THADA: variants seen among roughly 807,000 people sequenced by gnomAD.
The protein encoded by THADA is tRNA (32-2'-O)-methyltransferase regulator THADA.
In THADA, 213 loss-of-function variants were observed where a neutral mutation model predicts 219.8. The ratio of observed to expected loss-of-function variants is 0.97; its 90% CI spans 0.87 to 1.09. The LOEUF (loss-of-function observed/expected upper bound fraction) is 1.09, where lower values mean the gene tolerates loss of function less well. Among genes scored for constraint, THADA ranks in the 50% least tolerant of loss-of-function variants. The pLI, the probability that THADA is intolerant of heterozygous loss-of-function variation, is 0.00. For missense variants in THADA, 2,956 were observed against 2,311.3 expected (o/e 1.28, Z -5.72); for synonymous variants, 1,018 against 828.9 (o/e 1.23, Z -3.92).
At chr2:43,386,651 T>C (rs1363327814) in intron 29 of THADA, among the ~76,000 whole-genome samples, 2 of 152,122 alleles carry the variant, frequency 1.3e-5, no homozygotes, top group Non-Finnish European at 2.9e-5. Context: ...CCTAGCACTT[T>C]AGGAGGCTGA....
intron 36 of THADA, among the ~76,000 whole-genome samples, chr2:43,260,510 G>C (rs907240008): frequency 6.6e-6 from 1 of 152,180 alleles, no homozygotes; most frequent in African/African-American, 2.4e-5. Flanking sequence ...GGAGGCTGAG[G>C]TGGGAGGATC....
At chr2:43,535,333 G>A (rs1024250117) in intron 21 of THADA, among the ~76,000 whole-genome samples, 6 of 151,296 alleles carry the variant, frequency 4.0e-5, no homozygotes, top group Admixed American at 1.3e-4. Context: ...TTTTTAGTTT[G>A]ATATAATCCC....
chr2:43,548,154 C>T (rs568268110), intron 20 of THADA, among the ~76,000 whole-genome samples: 18 of 152,248 alleles, frequency 1.2e-4, no homozygotes, highest in African/African-American at 4.3e-4. Flanking sequence ...TGCCTGGGTA[C>T]CAGCAGCGGT....
At chr2:43,368,371 T>C (rs1670406218) in intron 29 of THADA, among the ~76,000 whole-genome samples, 1 of 152,124 alleles carries the variant, frequency 6.6e-6, no homozygotes, top group African/African-American at 2.4e-5. Flanking sequence ...TCAACATCGT[T>C]AGCCCCTTAT....
intron 8 of THADA, among the ~76,000 whole-genome samples, chr2:43,579,265 C>T (rs112136347): frequency 2.4e-4 from 37 of 152,318 alleles, no homozygotes; most frequent in African/African-American, 8.4e-4. Flanking sequence ...CTGTCCCCTC[C>T]CCTCCACCAA....
In THADA at chr2:43,572,965, C is replaced by A. The variant is rs758800386; in HGVS notation, c.1757G>T (p.Gly586Val). The change falls in exon 12 of 38, where the codon GGG (glycine) becomes GTG (valine). Residue 586 changes from glycine to valine, a missense_variant. Physicochemically the swap from Gly to Val is moderately radical, Grantham distance 109. Transcript: ENST00000405975. ...CAGAGCCCCCCTGCTATTACAAGAC[C>A]CTAAGGATGGGAAAGATTGCTCTTG... is the stretch of plus-strand genomic sequence containing the variant. ...TGQEQSFPSL[G>V]SCNSRGALGA... The A allele has an allele frequency of 6.8e-6, 11 of 1,613,662 alleles. No individual in the cohort carries two copies. Among genetic ancestry groups the A allele is most frequent in the African/African-American group, 1.3e-5 (1 of 74,882 alleles).
Position 43,574,981 on chromosome 2 carries a change from A to G in THADA, c.1084T>C (p.Ser362Pro). Reference protein sequence around the residue: ...LEMFLSRILASWTNSAIQVLE... With the variant: ...LEMFLSRILAPWTNSAIQVLE... ...ACTTGTATGGCTGAATTAGTCCAGG[A>G]TGCTAAGATTCTAGACAGAAACATT... Residue 362 changes from serine to proline, a missense_variant, in exon 11 of 38, where the codon TCC becomes CCC. Physicochemically the swap from Ser to Pro is moderately conservative, Grantham distance 74 (BLOSUM62 -1). Transcript: ENST00000405975. 6.2e-7 allele frequency: 1 copy of G among 1,613,968 alleles called. No homozygotes were observed. The highest frequency in any genetic ancestry group is 8.5e-7 in the Non-Finnish European group (1 of 1,179,868).
At chr2:43,506,627 G>T (rs1400307101) in intron 23 of THADA, among the ~76,000 whole-genome samples, 2 of 152,144 alleles carry the variant, frequency 1.3e-5, no homozygotes, top group African/African-American at 4.8e-5. Context: ...AGGTTTCATG[G>T]GTTGATGTTC....
chr2:43,340,370 C>G (rs911403243), intron 30 of THADA, among the ~76,000 whole-genome samples: 2 of 152,218 alleles, frequency 1.3e-5, no homozygotes, highest in African/African-American at 2.4e-5. Flanking sequence ...CCCTATTAAT[C>G]TTGCAAAGTC....
chr2:43,559,574 A>C lies in THADA; in HGVS notation c.2463+660T>G, dbSNP rs569044777. ...CCCAACAGCCCTAGGAGAAGCCTCA[A>C]GGGCAGAGCTAAGAGCCAGGGTCTG... On this transcript the variant is annotated intron_variant, in intron 16 of 37. Transcript: ENST00000405975. 2.6e-5 allele frequency among the ~76,000 whole-genome samples: 4 copies of C among 152,340 alleles called. No individual in the cohort carries two copies. The East Asian group carries it at 7.7e-4, about 29-fold the overall frequency.
intron 20 of THADA, among the ~76,000 whole-genome samples, chr2:43,547,850 C>A (rs1286681719): frequency 6.6e-6 from 1 of 152,208 alleles, no homozygotes; most frequent in African/African-American, 2.4e-5. Context: ...CATCTGAAGC[C>A]TTCTTCTCTC....
Position 43,527,899 on chromosome 2 carries a change from T to A in THADA, c.3354A>T (p.Lys1118Asn), listed in dbSNP as rs759988302. 29 of 1,612,554 alleles carry A rather than the reference T, an allele frequency of 1.8e-5. No individual in the cohort carries two copies. The highest frequency in any genetic ancestry group is 2.4e-5 in the Non-Finnish European group (28 of 1,179,108). ...TTTACCTGTTTAGTACTTCAGTGAG[T>A]TTCACAAAACCAGTATAAGCCAATT... The part of the protein sequence containing the change: ...AFELAYTGFV[K>N]LTEVLNRCPN... Residue 1118 changes from lysine to asparagine, a missense_variant, in exon 22 of 38, where the codon AAA (lysine) becomes AAT (asparagine). Transcript: ENST00000405975.
chr2:43,431,498 C>T (rs1679278572), intron 26 of THADA, among the ~76,000 whole-genome samples: 1 of 152,268 alleles, frequency 6.6e-6, no homozygotes, highest in East Asian at 1.9e-4. Flanking sequence ...CGGAGTCTCA[C>T]TCTGTTGCCC....
rs765574128 is a variant in THADA, at chr2:43,586,742, G to A, written c.452-8C>T. On this transcript the variant is annotated splice_region_variant and splice_polypyrimidine_tract_variant and intron_variant, in intron 5 of 37. Transcript: ENST00000405975. ...TATTAACACTTGCTCTACCTGTAGA[G>A]GAAAAAATGAACACTGGTAAGGAGT... 6.8e-6 allele frequency: 11 copies of A among 1,611,766 alleles called. No individual in the cohort carries two copies. In the South Asian group the frequency reaches 1.1e-4, roughly 16 times the overall value.
chr2:43,466,637 G>A lies in THADA; in HGVS notation c.3836+18597C>T, dbSNP rs554115095. Among the ~76,000 whole-genome samples the A allele has an allele frequency of 3.9e-5, 6 of 152,218 alleles. No homozygotes were observed. The South Asian group carries it at 1.2e-3, about 32-fold the overall frequency. On this transcript the variant is annotated intron_variant, in intron 26 of 37. Coordinates refer to ENST00000405975, the MANE Select transcript of THADA (RefSeq NM_022065.5). ...GGTCAATATACCCTACTGAGTAAAT[G>A]AATGCTTACAAGAGCTAATTGTATT...
intron 4 of THADA, among the ~76,000 whole-genome samples, chr2:43,588,307 T>C (rs1180365195): frequency 1.4e-5 from 2 of 144,824 alleles, no homozygotes; most frequent in South Asian, 2.2e-4. Flanking sequence ...AAAAAAAAAA[T>C]AGTATAAGGC....
At chr2:43,257,377 T>G (rs1408228270) in intron 36 of THADA, among the ~76,000 whole-genome samples, 1 of 152,204 alleles carries the variant, frequency 6.6e-6, no homozygotes, top group East Asian at 1.9e-4. Context: ...TGCTTCTCAC[T>G]GCATAGGAGT....
At position 43,574,885 on chromosome 2, in the gene THADA, C is replaced by T. The variant is rs756363512; in HGVS notation, c.1180G>A (p.Glu394Lys). The T allele has an allele frequency of 1.2e-6, 2 of 1,613,968 alleles. No individual in the cohort carries two copies. Among genetic ancestry groups the T allele is most frequent in the South Asian group, 2.2e-5 (2 of 91,086 alleles). ...TGTTCCCAATGGGTATAGACATATT[C>T]CAAAAGTCTCCCAACTATACTTGAA... ...GNSSIVGRLL[E>K]YVYTHWEHPL... is the part of the protein sequence containing the mutation. The change falls in exon 11 of 38, where the codon GAA becomes AAA. Residue 394 changes from glutamate (E) to lysine (K), a missense_variant. Physicochemically the swap from Glu to Lys is moderately conservative, Grantham distance 56. Coordinates refer to ENST00000405975, the MANE Select transcript of THADA (RefSeq NM_022065.5).
intron 29 of THADA, among the ~76,000 whole-genome samples, chr2:43,393,732 T>C (rs1247126483): frequency 6.7e-6 from 1 of 148,808 alleles, no homozygotes; most frequent in Admixed American, 6.7e-5. Context: ...AAGAGCTAAA[T>C]TAAGAGCAAC....
Sources: gnomAD v4.1 joint callset for allele counts (sites outside exome capture counted in the v4.1 genomes callset) on GRCh38, gnomAD v4.1.1 for gene constraint, MANE v1.5 for transcripts, NCBI Gene and HGNC (gene_info 2026-07-23, HGNC 2026-07-21) for gene names.